The following RAPGEF1 variants were observed in gnomAD, a reference collection of about 807,000 sequenced individuals.
The protein encoded by RAPGEF1 is CRK SH3-binding GNRP.
In RAPGEF1, 33 loss-of-function variants were observed where a neutral mutation model predicts 143.3. That is an observed-to-expected ratio of 0.23 (90% CI 0.17 to 0.31). The LOEUF is 0.31. Among genes scored for constraint, RAPGEF1 ranks in the 10% least tolerant of loss-of-function variants. The pLI is 1.00. For synonymous variants in RAPGEF1, 629 were observed against 676.5 expected (o/e 0.93, Z 1.09); for missense variants, 1,199 against 1,645.4 (o/e 0.73, Z 4.69).
At position 131,666,255 on chromosome 9, in the gene RAPGEF1, T is replaced by C. The variant is rs79531483; in HGVS notation, c.62-15306A>G. ...GCCTGGGTTACTAGAACATCTGTTGTTCAAGCTACCTCCAGGGAATAGACA... is the reference window on the plus strand; with the variant it reads ...GCCTGGGTTACTAGAACATCTGTTGCTCAAGCTACCTCCAGGGAATAGACA... On this transcript the variant is annotated intron_variant, in intron 1 of 26. Transcript: ENST00000683357. 2.3e-4 allele frequency among the ~76,000 whole-genome samples: 35 copies of C among 152,360 alleles called. No individual in the cohort carries two copies. In the East Asian group the frequency reaches 6.7e-3, roughly 29 times the overall value.
At chr9:131,680,480 G>A (rs1279002458) in intron 1 of RAPGEF1, among the ~76,000 whole-genome samples, 2 of 152,212 alleles carry the variant, frequency 1.3e-5, no homozygotes, top group East Asian at 1.9e-4. Context: ...TAATGCCCAC[G>A]CTGGAAGGTT....
Position 131,641,925 on chromosome 9 carries a change from A to G in RAPGEF1, c.494+1314T>C, listed in dbSNP as rs1027484274. 6.6e-6 allele frequency among the ~76,000 whole-genome samples: 1 copy of G among 152,258 alleles called. No homozygotes were observed. The highest frequency in any genetic ancestry group is 1.5e-5 in the Non-Finnish European group (1 of 68,038). On this transcript the variant is annotated intron_variant, in intron 4 of 26. Transcript: ENST00000683357. The surrounding 1 kb of genome is among the most constrained non-coding windows in gnomAD (Gnocchi z 4.6). ...GACACTATTTGCTTTATCCCCCAGAAGAAGAAAACTATGAACTTCATTGCC... is the reference window on the plus strand; with the variant it reads ...GACACTATTTGCTTTATCCCCCAGAGGAAGAAAACTATGAACTTCATTGCC...
chr9:131,726,146 G>A (rs1049475488), intron 1 of RAPGEF1, among the ~76,000 whole-genome samples: 12 of 152,110 alleles, frequency 7.9e-5, no homozygotes, highest in Admixed American at 5.2e-4. Context: ...AAATTCTCAC[G>A]CAGATAAGCA....
At chr9:131,624,090 G>T (rs562177881) in intron 10 of RAPGEF1, among the ~76,000 whole-genome samples, 10 of 152,096 alleles carry the variant, frequency 6.6e-5, no homozygotes, top group Non-Finnish European at 7.4e-5. Context: ...AAGGAGGGCT[G>T]AATCTCTTCC....
In RAPGEF1 at chr9:131,739,838, G is replaced by A. The variant is rs1370880907; in HGVS notation, c.-8C>T. The A allele has an allele frequency of 1.8e-5, 19 of 1,032,246 alleles. No individual in the cohort carries two copies. The highest frequency in any genetic ancestry group is 5.9e-5 in the Admixed American group (1 of 17,088). 63.9% of individuals were successfully genotyped at this position (1,032,246 alleles called of 1,614,324 possible). On this transcript the variant is annotated 5_prime_UTR_variant, in exon 1 of 27. Coordinates refer to ENST00000683357, the MANE Select transcript of RAPGEF1 (RefSeq NM_001377935.1). ...GCCGAGGCCGCCGCTCATCGGGCCCGGGCCGGGCCGCCGCGGGGCGACAGG... is the reference window on the plus strand; with the variant it reads ...GCCGAGGCCGCCGCTCATCGGGCCCAGGCCGGGCCGCCGCGGGGCGACAGG...
At chr9:131,659,824 T>G (rs1014069208) in intron 1 of RAPGEF1, among the ~76,000 whole-genome samples, 10 of 150,274 alleles carry the variant, frequency 6.7e-5, no homozygotes, top group African/African-American at 2.3e-4. Context: ...GAGTTATATT[T>G]TTCTTTTTTT....
intron 3 of RAPGEF1, among the ~76,000 whole-genome samples, chr9:131,644,212 G>T (rs967837988): frequency 1.3e-5 from 2 of 152,098 alleles, no homozygotes; most frequent in African/African-American, 2.4e-5. Context: ...CTCCCTGACC[G>T]TGGGAGGCCT....
rs146040283 is a variant in RAPGEF1 at position 131,637,145 on chromosome 9, A to G, written c.651+1490T>C. ...GAGGCTGAGGCAGGAAAATCACTTG[A>G]ACCCAGGAGGCAGAGGTTGCAGTGA... On this transcript the variant is annotated intron_variant, in intron 5 of 26. Transcript: ENST00000683357. 2.9e-3 allele frequency among the ~76,000 whole-genome samples: 441 copies of G among 152,022 alleles called. 1 individual carries two copies. The highest frequency in any genetic ancestry group is 0.01 in the African/African-American group (432 of 41,446).
At chr9:131,679,454 T>C (rs1832729791) in intron 1 of RAPGEF1, among the ~76,000 whole-genome samples, 1 of 152,252 alleles carries the variant, frequency 6.6e-6, no homozygotes, top group Admixed American at 6.5e-5. Context: ...ACCAAGGCTG[T>C]GATTCAGATG....
At position 131,577,551 on chromosome 9, in the gene RAPGEF1, G is replaced by T. The variant is rs1164124793; in HGVS notation, c.*1946C>A. ...CCTGCGAGTCTCACAAATACAGGGA[G>T]AATTTCAGTTCACACAACCCAAGGG... On this transcript the variant is annotated 3_prime_UTR_variant, in exon 27 of 27. Transcript: ENST00000683357. 2 of 152,240 alleles carry T rather than the reference G, an allele frequency of 1.3e-5. No homozygotes were observed. Among genetic ancestry groups the T allele is most frequent in the Admixed American group, 1.3e-4 (2 of 15,276 alleles). 9.4% of individuals were successfully genotyped at this position (152,240 alleles called of 1,614,324 possible). A position where few individuals can be genotyped will look rare whatever the true frequency, so the allele number is the denominator to read the frequency against.
chr9:131,708,328 C>T (rs1835235813), intron 1 of RAPGEF1, among the ~76,000 whole-genome samples: 1 of 152,248 alleles, frequency 6.6e-6, no homozygotes. Context: ...CATATGTCAT[C>T]TCTGGCATGC....
chr9:131,581,156 A>G (rs1344461242), intron 25 of RAPGEF1, among the ~76,000 whole-genome samples: 1 of 145,232 alleles, frequency 6.9e-6, no homozygotes, highest in Non-Finnish European at 1.5e-5. Flanking sequence ...ACAAGAACGT[A>G]ACTCTGTCTC....
chr9:131,736,579 A>G (rs2131365817), intron 1 of RAPGEF1, among the ~76,000 whole-genome samples: 1 of 152,368 alleles, frequency 6.6e-6, no homozygotes, highest in South Asian at 2.1e-4. Context: ...GCAATGACTC[A>G]AAAGATCTCC....
intron 1 of RAPGEF1, among the ~76,000 whole-genome samples, chr9:131,672,190 G>A (rs757028227): frequency 2.0e-5 from 3 of 152,190 alleles, no homozygotes; most frequent in Non-Finnish European, 2.9e-5. Context: ...TTTCAGAGAG[G>A]GAGAAGTAGC....
chr9:131,659,310 A>C (rs1973358129), intron 1 of RAPGEF1, among the ~76,000 whole-genome samples: 1 of 152,122 alleles, frequency 6.6e-6, no homozygotes, highest in Non-Finnish European at 1.5e-5. Context: ...AGGAGGCAGC[A>C]GAGCTGAAGT....
At chr9:131,599,214 T>C (rs1331380989) in intron 15 of RAPGEF1, among the ~76,000 whole-genome samples, 1 of 151,326 alleles carries the variant, frequency 6.6e-6, no homozygotes, top group African/African-American at 2.4e-5. Context: ...AGCCCTGACC[T>C]CCTGGGCTCA....
chr9:131,715,828 G>A (rs967010947), intron 1 of RAPGEF1, among the ~76,000 whole-genome samples: 1 of 141,564 alleles, frequency 7.1e-6, no homozygotes, highest in Non-Finnish European at 1.5e-5. Flanking sequence ...TTGCACCACT[G>A]CACTCCAGCC....
chr9:131,727,652 C>A (rs1836764991), intron 1 of RAPGEF1, among the ~76,000 whole-genome samples: 2 of 152,204 alleles, frequency 1.3e-5, no homozygotes, highest in Non-Finnish European at 2.9e-5. Flanking sequence ...TCCTGCCAAG[C>A]TGAGGCCAGG....
chr9:131,687,946 T>G (rs1833488850), intron 1 of RAPGEF1, among the ~76,000 whole-genome samples: 1 of 152,208 alleles, frequency 6.6e-6, no homozygotes, highest in Non-Finnish European at 1.5e-5. Flanking sequence ...CACGTGAAGA[T>G]ACACAGCATA....
Sources: gnomAD v4.1 joint callset for allele counts (sites outside exome capture counted in the v4.1 genomes callset) on GRCh38, gnomAD v4.1.1 for gene constraint, Gnocchi (gnomAD v3.1) non-coding constraint, MANE v1.5 for transcripts, NCBI Gene and HGNC (gene_info 2026-07-23, HGNC 2026-07-21) for gene names.